LRP1B: variants seen among roughly 807,000 people sequenced by gnomAD.
The protein encoded by LRP1B is LDL receptor related protein 1B.
In LRP1B, 217 loss-of-function variants were observed where a neutral mutation model predicts 556.6. The ratio of observed to expected loss-of-function variants is 0.39; its 90% CI spans 0.35 to 0.44. The LOEUF (loss-of-function observed/expected upper bound fraction) is 0.44. Ranked by LOEUF, LRP1B falls within the 20% of genes least tolerant of loss-of-function variation. The probability of loss-of-function intolerance (pLI) is 1.00; values close to 1 mark genes in which losing one functional copy is unlikely to be tolerated. For synonymous variants in LRP1B, 2,047 were observed against 1,865.8 expected (o/e 1.10, Z -2.50); for missense variants, 5,053 against 5,620.8 (o/e 0.90, Z 3.23).
At chr2:141,887,105 C>T (rs1453646188) in intron 1 of LRP1B, among the ~76,000 whole-genome samples, 1 of 151,966 alleles carries the variant, frequency 6.6e-6, no homozygotes, top group African/African-American at 2.4e-5. Context: ...AAGTGATTCT[C>T]CTGCTTCAGC....
chr2:140,908,141 C>T lies in LRP1B; in HGVS notation c.3320-64G>A, dbSNP rs894818654. On this transcript the variant is annotated intron_variant, in intron 21 of 90. Transcript: ENST00000389484. ...ATTAGGTCATTATGATAATGAGTGG[C>T]CATTATTGTCTTCAGTCACAGGCAG... is the stretch of plus-strand genomic sequence containing the variant. 2.4e-6 allele frequency: 3 copies of T among 1,249,742 alleles called. No individual in the cohort carries two copies. In the South Asian group the frequency reaches 3.8e-5, roughly 16 times the overall value. The allele number at this position is 1,249,742 out of a possible 1,614,324, so 77.4% of individuals were successfully genotyped here. A position where few individuals can be genotyped will look rare whatever the true frequency, so the allele number is the denominator to read the frequency against.
chr2:140,318,641 CTAGAATTTCCAATAACTCTGGAAAT>C (rs1558796863), intron 82 of LRP1B, among the ~76,000 whole-genome samples: 7 of 149,302 alleles, frequency 4.7e-5, no homozygotes, highest in Admixed American at 3.3e-4. Context: ...ACTCTGGAAG[CTAGAATTTCCAATAACTCTGGAAAT>C]GGGTACTCTG....
chr2:140,765,685 A>G (rs933742210), intron 35 of LRP1B, among the ~76,000 whole-genome samples: 2 of 152,098 alleles, frequency 1.3e-5, no homozygotes. Context: ...TAGAAAAAAC[A>G]ATTTGTTCAT....
chr2:140,537,454 A>C lies in LRP1B; in HGVS notation c.7514-745T>G, dbSNP rs1367017155. On this transcript the variant is annotated intron_variant, in intron 45 of 90. Transcript: ENST00000389484. Reference sequence around the variant, plus strand: ...GGTCTTCCTCCCTAACTATCTTCTGATGAAACCTCAGTAGCAAGTTATATT... The same window carrying C: ...GGTCTTCCTCCCTAACTATCTTCTGCTGAAACCTCAGTAGCAAGTTATATT... Among the ~76,000 whole-genome samples, 5 of 151,970 alleles carry C rather than the reference A, an allele frequency of 3.3e-5. No individual in the cohort carries two copies. The East Asian group carries it at 9.7e-4, about 29-fold the overall frequency.
At chr2:140,372,482 T>C in intron 69 of LRP1B, among the ~76,000 whole-genome samples, 1 of 152,118 alleles carries the variant, frequency 6.6e-6, no homozygotes, top group East Asian at 1.9e-4. Context: ...ATGAAGTGTT[T>C]TAATGAGTAT....
At chr2:141,845,048 A>T (rs950457647) in intron 1 of LRP1B, among the ~76,000 whole-genome samples, 2 of 151,540 alleles carry the variant, frequency 1.3e-5, no homozygotes, top group Non-Finnish European at 2.9e-5. Context: ...ATATTTTATC[A>T]CCTGAAAATT....
chr2:141,432,878 TC>T (rs1559067814), intron 3 of LRP1B, among the ~76,000 whole-genome samples: 2 of 152,148 alleles, frequency 1.3e-5, no homozygotes, highest in East Asian at 3.9e-4. Context: ...TGATCTTCTC[TC>T]TCTTTTTCAT....
At chr2:140,365,656 C>A (rs991167596) in intron 71 of LRP1B, among the ~76,000 whole-genome samples, 1 of 151,476 alleles carries the variant, frequency 6.6e-6, no homozygotes, top group East Asian at 1.9e-4. Flanking sequence ...TGATGTATAG[C>A]GTCACAGGTG....
chr2:141,229,129 T>A (rs979801411), intron 6 of LRP1B, 54 bp downstream of exon 6: 13 of 1,570,988 alleles, frequency 8.3e-6, no homozygotes, highest in Admixed American at 1.7e-5. Context: ...AGCCTACGGG[T>A]CTGTAAATGA....
At chr2:142,124,576 A>G (rs1707571848) in intron 1 of LRP1B, among the ~76,000 whole-genome samples, 1 of 149,128 alleles carries the variant, frequency 6.7e-6, no homozygotes, top group East Asian at 1.9e-4. Context: ...AAATTCAGTT[A>G]AAAAGTAAAG....
chr2:140,636,585 C>A (rs552771312), intron 41 of LRP1B, among the ~76,000 whole-genome samples: 18 of 152,248 alleles, frequency 1.2e-4, no homozygotes, highest in African/African-American at 3.6e-4. Context: ...GCTCATGTAT[C>A]TCAGTCACTA....
intron 43 of LRP1B, among the ~76,000 whole-genome samples, chr2:140,561,971 C>A (rs932541757): frequency 6.6e-6 from 1 of 151,626 alleles, no homozygotes; most frequent in Non-Finnish European, 1.5e-5. Context: ...ACAAAATAAA[C>A]CAGAAAATAC....
At chr2:141,378,305 C>A (rs976149289) in intron 3 of LRP1B, among the ~76,000 whole-genome samples, 1 of 151,946 alleles carries the variant, frequency 6.6e-6, no homozygotes, top group Non-Finnish European at 1.5e-5. Context: ...GATTTTAAAG[C>A]AAAATTCTCA....
chr2:140,512,455 T>C (rs1323951229), intron 51 of LRP1B, among the ~76,000 whole-genome samples: 1 of 152,176 alleles, frequency 6.6e-6, no homozygotes, highest in Non-Finnish European at 1.5e-5. Flanking sequence ...GACAAGTTGA[T>C]AAATTCCACT....
chr2:140,919,551 T>A (rs909571849), intron 21 of LRP1B, among the ~76,000 whole-genome samples: 3 of 151,972 alleles, frequency 2.0e-5, no homozygotes, highest in African/African-American at 4.8e-5. Flanking sequence ...TGCCTCCAGA[T>A]CCCAGCTTCA....
At chr2:141,681,038 A>C (rs1462491225) in intron 2 of LRP1B, among the ~76,000 whole-genome samples, 1 of 152,114 alleles carries the variant, frequency 6.6e-6, no homozygotes, top group Non-Finnish European at 1.5e-5. Context: ...CATGCTTGTA[A>C]TTCAGCACTT....
intron 2 of LRP1B, among the ~76,000 whole-genome samples, chr2:141,670,469 A>T (rs903604385): frequency 1.2e-4 from 19 of 152,212 alleles, no homozygotes; most frequent in African/African-American, 4.3e-4. Context: ...CATGCCACAG[A>T]CAGGATCATT....
At chr2:140,495,370 CAAGGCCAT>C (rs1325875662) in intron 56 of LRP1B, among the ~76,000 whole-genome samples, 187 bp downstream of exon 56, 2 of 148,252 alleles carry the variant, frequency 1.3e-5, no homozygotes, top group African/African-American at 5.0e-5. Context: ...CAATAATTCA[CAAGGCCAT>C]AAGGCAATGT....
intron 1 of LRP1B, among the ~76,000 whole-genome samples, chr2:141,961,244 G>T (rs1303501568): frequency 6.6e-6 from 1 of 151,588 alleles, no homozygotes; most frequent in African/African-American, 2.4e-5. Context: ...ATGAACTCTT[G>T]TCTTACTATG....
Sources: gnomAD v4.1 joint callset for allele counts (sites outside exome capture counted in the v4.1 genomes callset) on GRCh38, gnomAD v4.1.1 for gene constraint, MANE v1.5 for transcripts, NCBI Gene and HGNC (gene_info 2026-07-23, HGNC 2026-07-21) for gene names.